Variants in NCAM2 observed in about 807,000 individuals in gnomAD.
NCAM2 encodes N-CAM-2.
In NCAM2, 30 loss-of-function variants were observed where a neutral mutation model predicts 98.1. The ratio of observed to expected loss-of-function variants is 0.31; its 90% CI spans 0.23 to 0.41. The LOEUF (loss-of-function observed/expected upper bound fraction) is 0.41, where lower values mean the gene tolerates loss of function less well. Among genes scored for constraint, NCAM2 ranks in the 10% least tolerant of loss-of-function variants. NCAM2 has a pLI of 1.00. For missense variants in NCAM2, 867 were observed against 1,005.8 expected, an observed-to-expected ratio of 0.86 and a Z score of 1.87; for synonymous variants, 368 against 342.4, an observed-to-expected ratio of 1.07 and a Z score of -0.83.
At chr21:21,482,170 G>A (rs1985948363) in intron 15 of NCAM2, among the ~76,000 whole-genome samples, 2 of 151,946 alleles carry the variant, frequency 1.3e-5, no homozygotes, top group South Asian at 4.1e-4. Context: ...CTCATAGAAA[G>A]TCATATCAGA....
Position 21,156,140 on chromosome 21 carries a change from C to T in NCAM2, c.56-124438C>T, listed in dbSNP as rs150703492. On this transcript the variant is annotated intron_variant, in intron 1 of 17. Transcript: ENST00000400546. ...ACCAGTTCTCTAAGGCACTCATATA[C>T]AAGAATGTCAAAATAAAAGAAGACT... 6.5e-3 allele frequency among the ~76,000 whole-genome samples: 994 copies of T among 152,086 alleles called. 8 individuals carry two copies. Among genetic ancestry groups the T allele is most frequent in the Non-Finnish European group, 0.012 (784 of 67,884 alleles).
At chr21:21,342,206 C>T (rs377559939) in intron 8 of NCAM2, among the ~76,000 whole-genome samples, 1 of 152,112 alleles carries the variant, frequency 6.6e-6, no homozygotes, top group African/African-American at 2.4e-5. Flanking sequence ...CTCAGTTTAT[C>T]GTCTGGTATT....
intron 15 of NCAM2, among the ~76,000 whole-genome samples, chr21:21,493,720 T>C (rs1243380854): frequency 6.6e-6 from 1 of 151,968 alleles, no homozygotes; most frequent in African/African-American, 2.4e-5. Flanking sequence ...TCCTCCCTCC[T>C]TTCTCCACTA....
chr21:21,185,033 G>A (rs1197692577), intron 1 of NCAM2, among the ~76,000 whole-genome samples: 1 of 152,126 alleles, frequency 6.6e-6, no homozygotes, highest in Non-Finnish European at 1.5e-5. Flanking sequence ...AGTAGGATGA[G>A]AGTAATGTGC....
intron 11 of NCAM2, among the ~76,000 whole-genome samples, chr21:21,426,499 AC>A (rs1428529486): frequency 1.3e-5 from 2 of 152,304 alleles, no homozygotes; most frequent in East Asian, 3.9e-4. Flanking sequence ...CAGAGAAAAG[AC>A]CAAAGACAGC....
chr21:21,508,336 G>GTTAA (rs1988119843), intron 15 of NCAM2, among the ~76,000 whole-genome samples: 1 of 152,072 alleles, frequency 6.6e-6, no homozygotes, highest in African/African-American at 2.4e-5. Context: ...TACATTCTCT[G>GTTAA]TTAAAATAAC....
chr21:21,317,978 T>A (rs1292472251), intron 5 of NCAM2, among the ~76,000 whole-genome samples: 1 of 152,130 alleles, frequency 6.6e-6, no homozygotes, highest in Non-Finnish European at 1.5e-5. Flanking sequence ...CCTGATATAT[T>A]TTAGAACCTG....
intron 1 of NCAM2, among the ~76,000 whole-genome samples, chr21:21,111,725 C>CA (rs1427338572): frequency 6.6e-6 from 1 of 152,042 alleles, no homozygotes; most frequent in Non-Finnish European, 1.5e-5. Flanking sequence ...TTCTTCCCAA[C>CA]AAAATTAGAG....
chr21:21,126,906 A>C (rs1033830413), intron 1 of NCAM2, among the ~76,000 whole-genome samples: 1 of 152,018 alleles, frequency 6.6e-6, no homozygotes, highest in Non-Finnish European at 1.5e-5. Flanking sequence ...TAAACTACAC[A>C]GCAAAGTGAC....
At chr21:21,440,750 G>C (rs553133793) in intron 12 of NCAM2, among the ~76,000 whole-genome samples, 1 of 151,460 alleles carries the variant, frequency 6.6e-6, no homozygotes, top group East Asian at 1.9e-4. Flanking sequence ...AAAAAGAAAA[G>C]AAAAAAATGG....
At chr21:21,286,788 G>C (rs1285937806) in intron 4 of NCAM2, among the ~76,000 whole-genome samples, 1 of 151,852 alleles carries the variant, frequency 6.6e-6, no homozygotes, top group African/African-American at 2.4e-5. Context: ...GAAAAGGTTT[G>C]CAGACCTTTG....
At chr21:21,281,394 A>C (rs2072924590) in intron 2 of NCAM2, among the ~76,000 whole-genome samples, 1 of 152,098 alleles carries the variant, frequency 6.6e-6, no homozygotes, top group Non-Finnish European at 1.5e-5. Flanking sequence ...TTAGGCCAAA[A>C]ATTTATTCTA....
chr21:21,066,722 A>T (rs902239766), intron 1 of NCAM2, among the ~76,000 whole-genome samples: 1 of 152,108 alleles, frequency 6.6e-6, no homozygotes, highest in Non-Finnish European at 1.5e-5. Context: ...TTGGAACCAG[A>T]TTTACATTTG....
At chr21:21,212,230 A>T (rs1225065011) in intron 1 of NCAM2, among the ~76,000 whole-genome samples, 4 of 152,246 alleles carry the variant, frequency 2.6e-5, no homozygotes, top group African/African-American at 9.6e-5. Context: ...AATAAAAAGT[A>T]ATAAACTAAA....
At chr21:21,039,627 AATGTGTGC>A (rs2064865168) in intron 1 of NCAM2, among the ~76,000 whole-genome samples, 1 of 152,210 alleles carries the variant, frequency 6.6e-6, no homozygotes, top group Non-Finnish European at 1.5e-5. Flanking sequence ...ACTATATTCA[AATGTGTGC>A]ATATTTTGAA....
chr21:21,312,579 A>G (rs13050549), intron 5 of NCAM2, among the ~76,000 whole-genome samples: 1 of 98,212 alleles, frequency 1.0e-5, no homozygotes, highest in African/African-American at 4.0e-5. Flanking sequence ...AAAAGAAAAA[A>G]AAACTTAATG....
At chr21:21,005,802 G>A (rs1402617799) in intron 1 of NCAM2, among the ~76,000 whole-genome samples, 4 of 146,732 alleles carry the variant, frequency 2.7e-5, no homozygotes, top group East Asian at 2.0e-4. Context: ...CCAGGAGAAC[G>A]CCCCCCCCAA....
intron 16 of NCAM2, among the ~76,000 whole-genome samples, chr21:21,527,150 T>C (rs937456050): frequency 3.3e-5 from 5 of 151,438 alleles, no homozygotes; most frequent in African/African-American, 7.3e-5. Flanking sequence ...CTCGCTCTGT[T>C]GCCCAGGCTA....
intron 9 of NCAM2, among the ~76,000 whole-genome samples, chr21:21,377,434 T>C (rs1437779216): frequency 6.6e-6 from 1 of 151,914 alleles, no homozygotes; most frequent in Admixed American, 6.6e-5. Context: ...TCATGCAGTA[T>C]TATTTTTAAT....
Sources: gnomAD v4.1 joint callset for allele counts (sites outside exome capture counted in the v4.1 genomes callset) on GRCh38, gnomAD v4.1.1 for gene constraint, MANE v1.5 for transcripts, NCBI Gene and HGNC (gene_info 2026-07-23, HGNC 2026-07-21) for gene names.